Variants in PTPRD observed in about 807,000 individuals in gnomAD.
PTPRD encodes the protein protein tyrosine phosphatase receptor type D.
PTPRD carries 34 observed loss-of-function variants against 214.5 expected under a neutral mutation model. The observed-to-expected ratio is 0.16, with a 90% CI of 0.12 to 0.21. PTPRD has a LOEUF of 0.21. Among genes scored for constraint, PTPRD ranks in the 10% least tolerant of loss-of-function variants. The probability of loss-of-function intolerance (pLI) is 1.00; values close to 1 mark genes in which losing one functional copy is unlikely to be tolerated. For synonymous variants in PTPRD, 1,128 were observed against 845.7 expected, an observed-to-expected ratio of 1.33 and a Z score of -5.79; for missense variants, 2,545 against 2,398.7, an observed-to-expected ratio of 1.06 and a Z score of -1.27.
intron 7 of PTPRD, among the ~76,000 whole-genome samples, chr9:9,715,893 T>C (rs996298392): frequency 6.6e-6 from 1 of 152,178 alleles, no homozygotes; most frequent in Non-Finnish European, 1.5e-5. Flanking sequence ...AGGGTACATG[T>C]GCACAATGTG....
At chr9:9,857,869 T>C (rs770704444) in intron 5 of PTPRD, among the ~76,000 whole-genome samples, 1 of 152,236 alleles carries the variant, frequency 6.6e-6, no homozygotes, top group African/African-American at 2.4e-5. Flanking sequence ...AAAGAGAACA[T>C]TAATATCTTT....
chr9:8,473,575 T>C (rs190887966), intron 30 of PTPRD, among the ~76,000 whole-genome samples: 1 of 152,312 alleles, frequency 6.6e-6, no homozygotes, highest in Non-Finnish European at 1.5e-5. Context: ...CTGCATATTA[T>C]CAGAGTGCTA....
chr9:8,919,957 T>C (rs1184496255), intron 11 of PTPRD, among the ~76,000 whole-genome samples: 3 of 149,054 alleles, frequency 2.0e-5, no homozygotes, highest in Non-Finnish European at 4.5e-5. Flanking sequence ...CATGTATGTA[T>C]ACGTGTGTAT....
Position 10,442,134 on chromosome 9 carries a change from T to C in PTPRD, c.-599-101117A>G, listed in dbSNP as rs1223235578. Among the ~76,000 whole-genome samples the C allele has an allele frequency of 2.0e-5, 3 of 151,710 alleles. No homozygotes were observed. The East Asian group carries it at 5.8e-4, about 29-fold the overall frequency. On this transcript the variant is annotated intron_variant, in intron 2 of 45. Coordinates refer to ENST00000381196, the MANE Select transcript of PTPRD (RefSeq NM_002839.4). Reference sequence around the variant, plus strand: ...TAGTCAAATACATTTGATTTGAGCTTATTATCCTCAACTAAAATACCTTAA... The same window carrying C: ...TAGTCAAATACATTTGATTTGAGCTCATTATCCTCAACTAAAATACCTTAA...
At chr9:8,373,890 CTATCTATCTATCTATCTAT>C (rs2082373089) in intron 39 of PTPRD, among the ~76,000 whole-genome samples, 1 of 130,046 alleles carries the variant, frequency 7.7e-6, no homozygotes, top group Non-Finnish European at 1.5e-5. Flanking sequence ...ATCTATCTAT[CTATCTATCTATCTATCTAT>C]CTATCTACCT....
At chr9:9,366,253 TG>T (rs1397954361) in intron 9 of PTPRD, among the ~76,000 whole-genome samples, 2 of 151,602 alleles carry the variant, frequency 1.3e-5, no homozygotes, top group African/African-American at 4.8e-5. Flanking sequence ...ACCTGAGTGT[TG>T]TAATTTTTTT....
At chr9:10,408,900 C>T (rs1276246113) in intron 2 of PTPRD, among the ~76,000 whole-genome samples, 1 of 151,620 alleles carries the variant, frequency 6.6e-6, no homozygotes, top group East Asian at 2.0e-4. Flanking sequence ...TATTTTCATC[C>T]TTTTGCTCAT....
chr9:10,511,588 GTA>G (rs2048053703), intron 2 of PTPRD, among the ~76,000 whole-genome samples: 3 of 72,618 alleles, frequency 4.1e-5, no homozygotes, highest in African/African-American at 1.2e-4. Flanking sequence ...TTTTTTTTTT[GTA>G]TTTTTAGTAC....
chr9:8,641,275 G>A (rs1052265919), intron 12 of PTPRD, among the ~76,000 whole-genome samples: 1 of 148,126 alleles, frequency 6.8e-6, no homozygotes, highest in Non-Finnish European at 1.5e-5. Context: ...TTTATCCCAT[G>A]AGATACAACC....
chr9:9,600,557 G>T (rs1256851123), intron 7 of PTPRD, among the ~76,000 whole-genome samples: 2 of 152,026 alleles, frequency 1.3e-5, no homozygotes, highest in African/African-American at 4.8e-5. Context: ...TGTTCAAGAG[G>T]AAGGAGGCAT....
At chr9:9,726,814 G>T (rs2098102214) in intron 7 of PTPRD, among the ~76,000 whole-genome samples, 1 of 152,106 alleles carries the variant, frequency 6.6e-6, no homozygotes, top group Admixed American at 6.6e-5. Context: ...TTACAAATAA[G>T]GGAGGAGAAT....
intron 3 of PTPRD, among the ~76,000 whole-genome samples, chr9:10,110,144 G>A (rs2098677442): frequency 6.6e-6 from 1 of 152,188 alleles, no homozygotes; most frequent in Admixed American, 6.5e-5. Context: ...CGTCTGCTAA[G>A]TACTTATTGA....
At chr9:10,329,642 T>A (rs936832669) in intron 3 of PTPRD, among the ~76,000 whole-genome samples, 6 of 151,836 alleles carry the variant, frequency 4.0e-5, no homozygotes, top group Non-Finnish European at 8.8e-5. Flanking sequence ...TTTAAAAAGA[T>A]ACAAGTATAC....
intron 11 of PTPRD, among the ~76,000 whole-genome samples, chr9:9,018,311 T>A (rs1453646330): frequency 1.3e-5 from 2 of 152,152 alleles, no homozygotes; most frequent in Admixed American, 1.3e-4. Flanking sequence ...ACTCCATTGA[T>A]AGGCTAGAGG....
At chr9:9,736,122 A>G (rs1258369964) in intron 6 of PTPRD, among the ~76,000 whole-genome samples, 1 of 152,142 alleles carries the variant, frequency 6.6e-6, no homozygotes, top group East Asian at 1.9e-4. Context: ...GTGTGTTACC[A>G]GGGAGGGACA....
intron 5 of PTPRD, among the ~76,000 whole-genome samples, chr9:9,789,216 G>C (rs775773635): frequency 6.6e-6 from 1 of 152,110 alleles, no homozygotes. Context: ...TCAGAAACCA[G>C]GCTCTAACTT....
At chr9:9,468,616 T>A (rs554820985) in intron 8 of PTPRD, among the ~76,000 whole-genome samples, 23 of 152,244 alleles carry the variant, frequency 1.5e-4, no homozygotes, top group African/African-American at 4.8e-4. Context: ...TCTATATATG[T>A]TTCTCTAATT....
At chr9:9,458,826 G>C (rs1443362945) in intron 8 of PTPRD, among the ~76,000 whole-genome samples, 1 of 152,090 alleles carries the variant, frequency 6.6e-6, no homozygotes, top group Non-Finnish European at 1.5e-5. Context: ...TGCAGTCCCA[G>C]CTACTTGGGA....
At chr9:10,345,634 T>C (rs2097061605) in intron 2 of PTPRD, among the ~76,000 whole-genome samples, 2 of 152,232 alleles carry the variant, frequency 1.3e-5, no homozygotes, top group African/African-American at 4.8e-5. Flanking sequence ...ACGGTGTATA[T>C]GTGCCACATT....
Sources: gnomAD v4.1 joint callset for allele counts (sites outside exome capture counted in the v4.1 genomes callset) on GRCh38, gnomAD v4.1.1 for gene constraint, MANE v1.5 for transcripts, NCBI Gene and HGNC (gene_info 2026-07-23, HGNC 2026-07-21) for gene names.